Variants in CZIB observed in about 807,000 individuals in gnomAD.
CZIB encodes the protein CXXC motif containing zinc binding protein.
Under a neutral mutation model 28.3 loss-of-function variants are expected in CZIB, and 26 were observed. That is an observed-to-expected ratio of 0.92 (90% confidence interval 0.67 to 1.27). The LOEUF (loss-of-function observed/expected upper bound fraction) is 1.27. Ranked by LOEUF, CZIB falls within the 50% of genes most tolerant of loss-of-function variation. CZIB has a pLI of 0.00. For missense variants in CZIB, 179 were observed against 197.3 expected (o/e 0.91, Z 0.56); for synonymous variants, 78 against 71.1 (o/e 1.10, Z -0.49).
chr1:53,220,542 G>A (rs759917785), intron 1 of CZIB, 28 bp downstream of exon 1: 6 of 1,600,028 alleles, frequency 3.7e-6, no homozygotes, highest in Non-Finnish European at 5.1e-6. Flanking sequence ...TCCCCTCCGT[G>A]TCCCCGCGGC....
In CZIB at chr1:53,216,832, T is replaced by C. The variant is rs767200078; in HGVS notation, c.289A>G (p.Ile97Val). 1.1e-5 allele frequency: 18 copies of C among 1,614,054 alleles called. 1 individual carries two copies. Among genetic ancestry groups the C allele is most frequent in the Middle Eastern group, 3.3e-4 (2 of 6,084 alleles). Residue 97 changes from isoleucine to valine, a missense_variant, in exon 6 of 8, where the codon ATA becomes GTA. Coordinates refer to ENST00000294360, the MANE Select transcript of CZIB (RefSeq NM_017887.3). ...NAEDNENFKT[I>V]VEFECRGLEP... ...AGGCCCCGGCACTCAAACTCCACTA[T>C]TGTCTTGAAGTTCTCATTGTCTTCA...
Position 53,214,300 on chromosome 1 carries a change from G to A in CZIB, c.*359C>T, listed in dbSNP as rs914596553. On this transcript the variant is annotated 3_prime_UTR_variant, in exon 8 of 8. Coordinates refer to ENST00000294360, the MANE Select transcript of CZIB (RefSeq NM_017887.3). ...TAACAGTACGTCACCATTGGCTTCT[G>A]GCTCATTGAGTGATGGTGGGATCGC... 2 of 219,428 alleles carry A rather than the reference G, an allele frequency of 9.1e-6. No homozygotes were observed. The highest frequency in any genetic ancestry group is 1.8e-5 in the Non-Finnish European group (2 of 110,182). 13.6% of individuals were successfully genotyped at this position (219,428 alleles called of 1,614,324 possible).
At chr1:53,215,927 C>T in intron 7 of CZIB, 64 bp downstream of exon 7, 1 of 1,530,862 alleles carries the variant, frequency 6.5e-7, no homozygotes, top group South Asian at 1.1e-5. Context: ...TGAGCCTTGT[C>T]CACCAAAAAA....
chr1:53,215,844 C>T, intron 7 of CZIB, 147 bp downstream of exon 7: 5 of 754,148 alleles, frequency 6.6e-6, no homozygotes, highest in Non-Finnish European at 1.2e-5. Flanking sequence ...CACTTTAGCA[C>T]TATACCTGTG....
At chr1:53,218,651 T>TG in intron 3 of CZIB, 156 bp from the exon 4 acceptor site, 1 of 863,542 alleles carries the variant, frequency 1.2e-6, no homozygotes, top group Non-Finnish European at 1.8e-6. Flanking sequence ...CTGAGGAAAA[T>TG]AAAAAAAGGG....
rs1169585166 is a variant in CZIB at position 53,214,464 on chromosome 1, A to C, written c.*195T>G. 3.7e-6 allele frequency: 2 copies of C among 538,170 alleles called. No individual in the cohort carries two copies. The highest frequency in any genetic ancestry group is 6.6e-6 in the Non-Finnish European group (2 of 301,026). 33.3% of individuals were successfully genotyped at this position (538,170 alleles called of 1,614,324 possible). A position where few individuals can be genotyped will look rare whatever the true frequency, so the allele number is the denominator to read the frequency against. On this transcript the variant is annotated 3_prime_UTR_variant, in exon 8 of 8. Transcript: ENST00000294360. ...GTAGCTGCCTCCTTACTTCACCTTCATGCACCAGTGCAGCGTGAACAGGGG... is the reference window on the plus strand; with the variant it reads ...GTAGCTGCCTCCTTACTTCACCTTCCTGCACCAGTGCAGCGTGAACAGGGG...
At chr1:53,220,428 G>A in intron 1 of CZIB, 84 bp from the exon 2 acceptor site, 1 of 1,577,160 alleles carries the variant, frequency 6.3e-7, no homozygotes, top group Non-Finnish European at 8.6e-7. Context: ...CCCAGCCGTG[G>A]GTGCCACAGG....
At chr1:53,215,680 G>A (rs1224455643) in intron 7 of CZIB, among the ~76,000 whole-genome samples, 2 of 152,124 alleles carry the variant, frequency 1.3e-5, no homozygotes, top group Non-Finnish European at 2.9e-5. Flanking sequence ...AGCTTTATGT[G>A]TTTCTGTTTA....
intron 1 of CZIB, 90 bp from the exon 2 acceptor site, chr1:53,220,434 A>G (rs775675626): frequency 6.4e-7 from 1 of 1,572,380 alleles, no homozygotes; most frequent in Non-Finnish European, 8.7e-7. Flanking sequence ...CGTGGGTGCC[A>G]CAGGGAGACA....
At chr1:53,220,389 G>C in intron 1 of CZIB, 45 bp from the exon 2 acceptor site, 1 of 1,599,542 alleles carries the variant, frequency 6.3e-7, no homozygotes, top group Non-Finnish European at 8.5e-7. Flanking sequence ...TGCCTGCGCA[G>C]CCCCACGCCT....
chr1:53,219,488 G>A (rs1572391449), intron 2 of CZIB: 1 of 153,696 alleles, frequency 6.5e-6, no homozygotes, highest in South Asian at 2.0e-4. Flanking sequence ...GAAAAAAAAA[G>A]AGAAATGGCC....
intron 7 of CZIB, 28 bp from the exon 8 acceptor site, chr1:53,214,764 TCA>T (rs1557720818): frequency 6.3e-7 from 1 of 1,598,488 alleles, no homozygotes. Context: ...ATTGTTAGCC[TCA>T]CAACGCAGAA....
At chr1:53,214,950 C>G (rs1391474013) in intron 7 of CZIB, among the ~76,000 whole-genome samples, 1 of 152,146 alleles carries the variant, frequency 6.6e-6, no homozygotes, top group East Asian at 1.9e-4. Context: ...AGTCCCTTCT[C>G]CGAGTCCTGT....
rs927209370 is a variant in CZIB, at chr1:53,214,447, C to T, written c.*212G>A. 3.9e-6 allele frequency: 2 copies of T among 516,796 alleles called. No homozygotes were observed. The highest frequency in any genetic ancestry group is 6.9e-6 in the Non-Finnish European group (2 of 288,860). The allele number at this position is 516,796 out of a possible 1,614,324, so 32.0% of individuals were successfully genotyped here. On this transcript the variant is annotated 3_prime_UTR_variant, in exon 8 of 8. Coordinates refer to ENST00000294360, the MANE Select transcript of CZIB (RefSeq NM_017887.3). ...TCTTATTTGTGGAGGGAGTAGCTGC[C>T]TCCTTACTTCACCTTCATGCACCAG... is the stretch of plus-strand genomic sequence containing the variant.
Position 53,220,602 on chromosome 1 carries a change from T to C in CZIB, c.-27A>G, listed in dbSNP as rs1267947662. ...GTAGCCCTCTCCGCCCGGTGCTGGC[T>C]GCGGCCCTTGCCGTTGCTTTCCGGC... On this transcript the variant is annotated 5_prime_UTR_variant, in exon 1 of 8. Coordinates refer to ENST00000294360, the MANE Select transcript of CZIB (RefSeq NM_017887.3). 3.8e-6 allele frequency: 6 copies of C among 1,595,304 alleles called. No individual in the cohort carries two copies. The South Asian group carries it at 5.5e-5, about 15-fold the overall frequency.
In CZIB at chr1:53,220,625, G is replaced by A. The variant is rs756666962; in HGVS notation, c.-50C>T. 5.7e-6 allele frequency: 9 copies of A among 1,589,274 alleles called. No homozygotes were observed. The South Asian group carries it at 7.8e-5, about 14-fold the overall frequency. ...GCTGCGGCCCTTGCCGTTGCTTTCC[G>A]GCGCGTCGTAAAAGGCGGGTGCCGT... On this transcript the variant is annotated 5_prime_UTR_variant, in exon 1 of 8. Coordinates refer to ENST00000294360, the MANE Select transcript of CZIB (RefSeq NM_017887.3).
intron 2 of CZIB, chr1:53,219,214 G>C (rs1049561965): frequency 8.9e-5 from 37 of 415,056 alleles, no homozygotes; most frequent in Non-Finnish European, 1.4e-4. Flanking sequence ...GGTGAGGGGG[G>C]GGAATATGGA....
At chr1:53,218,049 A>C in intron 5 of CZIB, 123 bp downstream of exon 5, 1 of 1,027,510 alleles carries the variant, frequency 9.7e-7, no homozygotes, top group Non-Finnish European at 1.4e-6. Flanking sequence ...AAGAAGAACT[A>C]AGTTCATGAG....
At chr1:53,220,222 G>A (rs527872472) in intron 2 of CZIB, 39 bp downstream of exon 2, 1 of 1,571,470 alleles carries the variant, frequency 6.4e-7, no homozygotes, top group East Asian at 2.2e-5. Flanking sequence ...ACTGAGATCA[G>A]GACGGGCCTC....
Sources: allele counts gnomAD v4.1 joint callset (sites outside exome capture counted in the v4.1 genomes callset), GRCh38; gene constraint gnomAD v4.1.1; transcripts MANE v1.5; gene names NCBI Gene and HGNC (gene_info 2026-07-23, HGNC 2026-07-21).